Variants in PUDP observed in about 807,000 individuals in gnomAD.
PUDP encodes pseudouridine-5'-phosphatase.
A neutral mutation model predicts 9.4 loss-of-function variants in PUDP; 8 were observed. The ratio of observed to expected loss-of-function variants is 0.85; its 90% CI spans 0.50 to 1.53. The LOEUF (loss-of-function observed/expected upper bound fraction) is 1.53, where lower values mean the gene tolerates loss of function less well. PUDP is among the 40% of genes most tolerant of loss of function. The pLI is 0.00. For missense variants in PUDP, 188 were observed against 189.7 expected, an observed-to-expected ratio of 0.99 and a Z score of 0.05; for synonymous variants, 99 against 80.7, an observed-to-expected ratio of 1.23 and a Z score of -1.22.
chrX:6,875,642 A>G (rs1927241930), intron 3 of PUDP, among the ~76,000 whole-genome samples: 1 of 111,502 alleles, frequency 9.0e-6, no homozygotes, highest in Admixed American at 9.6e-5. Flanking sequence ...CACCTTCCAG[A>G]CCTTCCCTGG....
chrX:6,933,354 C>A (rs1007382272), intron 3 of PUDP, among the ~76,000 whole-genome samples: 43 of 110,963 alleles, frequency 3.9e-4, no homozygotes, highest in Middle Eastern at 4.6e-3. Flanking sequence ...GCAAACACCG[C>A]TGCGGATACC....
chrX:6,840,446 G>T (rs1158218658), intron 3 of PUDP, among the ~76,000 whole-genome samples: 2 of 112,244 alleles, frequency 1.8e-5, no homozygotes, highest in African/African-American at 6.5e-5. Context: ...AGCATGAAAA[G>T]ACATGAAGGA....
At chrX:7,090,052 TGA>T (rs1251624059) in intron 2 of PUDP, among the ~76,000 whole-genome samples, 1 of 111,790 alleles carries the variant, frequency 8.9e-6, no homozygotes, top group Non-Finnish European at 1.9e-5. Context: ...ATTTACCTCA[TGA>T]GAGAACTGCC....
At chrX:6,893,273 G>A (rs1400432075) in intron 3 of PUDP, among the ~76,000 whole-genome samples, 1 of 111,872 alleles carries the variant, frequency 8.9e-6, no homozygotes, top group African/African-American at 3.2e-5. Flanking sequence ...CCCGATTTTG[G>A]AGGAAGAGAG....
chrX:6,753,284 A>C (rs1769131230), intron 3 of PUDP, among the ~76,000 whole-genome samples: 1 of 112,258 alleles, frequency 8.9e-6, no homozygotes, highest in South Asian at 3.6e-4. Context: ...CATCCAGGTC[A>C]CTGCAAATGC....
chrX:6,891,337 C>T (rs962217297), intron 3 of PUDP, among the ~76,000 whole-genome samples: 1 of 112,019 alleles, frequency 8.9e-6, no homozygotes, highest in African/African-American at 3.2e-5. Flanking sequence ...GCATTTGTTT[C>T]CCAACCTCCT....
intron 1 of PUDP, among the ~76,000 whole-genome samples, chrX:7,114,068 T>G (rs1490694657): frequency 9.1e-6 from 1 of 109,874 alleles, no homozygotes; most frequent in Non-Finnish European, 1.9e-5. Context: ...CTCTCTCTTT[T>G]TCTTTTTTTC....
chrX:6,741,144 GT>G (rs111278917), intron 3 of PUDP, among the ~76,000 whole-genome samples: 4,951 of 102,238 alleles, frequency 0.048, 161 homozygotes, highest in African/African-American at 0.079. Context: ...GGGCGACAGA[GT>G]TAAGACTCCA....
intron 3 of PUDP, among the ~76,000 whole-genome samples, chrX:6,856,340 G>GCTT (rs1334631883): frequency 9.0e-6 from 1 of 111,706 alleles, no homozygotes; most frequent in Non-Finnish European, 1.9e-5. Flanking sequence ...CTGTTTCCAG[G>GCTT]CTTCTTTTCA....
At chrX:6,889,283 C>T (rs932522571) in intron 3 of PUDP, among the ~76,000 whole-genome samples, 1 of 110,276 alleles carries the variant, frequency 9.1e-6, no homozygotes, top group Non-Finnish European at 1.9e-5. Flanking sequence ...TTCTGATTCT[C>T]CCTCTCTCCC....
At chrX:7,127,376 CA>C (rs1190317276) in intron 1 of PUDP, among the ~76,000 whole-genome samples, 1 of 112,221 alleles carries the variant, frequency 8.9e-6, no homozygotes, top group African/African-American at 3.2e-5. Flanking sequence ...TACTGTCAGT[CA>C]AACTACATGA....
At chrX:7,146,680 A>T (rs1932866410) in intron 1 of PUDP, among the ~76,000 whole-genome samples, 1 of 110,891 alleles carries the variant, frequency 9.0e-6, no homozygotes, top group Non-Finnish European at 1.9e-5. Context: ...GGAATTACCC[A>T]GCAATATGAT....
chrX:6,926,854 TTTTG>T (rs1354594008), intron 3 of PUDP, among the ~76,000 whole-genome samples: 1 of 110,934 alleles, frequency 9.0e-6, no homozygotes, highest in Non-Finnish European at 1.9e-5. Context: ...ACCCTGGTTT[TTTTG>T]TTTGTTTGTC....
chrX:7,084,903 A>T (rs1161585256), intron 2 of PUDP: 1 of 112,077 alleles, frequency 8.9e-6, no homozygotes, highest in Non-Finnish European at 1.9e-5. Context: ...TTAAAAAAAT[A>T]GCATCCGGTT....
intron 1 of PUDP, among the ~76,000 whole-genome samples, chrX:7,014,364 C>T (rs958094323): frequency 7.2e-4 from 79 of 110,463 alleles, no homozygotes; most frequent in Non-Finnish European, 1.3e-3. Flanking sequence ...GTCTCCTGTC[C>T]ATATCAATTT....
At chrX:6,983,196 C>T (rs955296645) in intron 1 of PUDP, among the ~76,000 whole-genome samples, 4 of 111,663 alleles carry the variant, frequency 3.6e-5, no homozygotes, top group African/African-American at 9.8e-5. Context: ...GATGGCTGTG[C>T]GGGAGAACGG....
At chrX:6,713,400 AT>A (rs1303480968) in intron 1 of PUDP, among the ~76,000 whole-genome samples, 17 of 109,872 alleles carry the variant, frequency 1.5e-4, no homozygotes, top group Non-Finnish European at 2.9e-4. Flanking sequence ...TACTCATACA[AT>A]TTTTTTTTCA....
At chrX:7,078,071 T>C (rs1203908554) in intron 2 of PUDP, among the ~76,000 whole-genome samples, 1 of 111,696 alleles carries the variant, frequency 9.0e-6, no homozygotes, top group African/African-American at 3.3e-5. Context: ...ACACAGCTGA[T>C]CAACAGCAAC....
chrX:6,792,998 G>A (rs1261822704), intron 3 of PUDP, among the ~76,000 whole-genome samples: 2 of 112,658 alleles, frequency 1.8e-5, no homozygotes, highest in African/African-American at 3.2e-5. Flanking sequence ...CAGTCTGTTC[G>A]TGCAGCTATA....
Sources: gnomAD v4.1 joint callset for allele counts (sites outside exome capture counted in the v4.1 genomes callset) on GRCh38, gnomAD v4.1.1 for gene constraint, MANE v1.5 for transcripts, NCBI Gene and HGNC (gene_info 2026-07-23, HGNC 2026-07-21) for gene names.